The following RGS6 variants were observed in gnomAD, a reference collection of about 807,000 sequenced individuals.
RGS6 encodes the protein regulator of G-protein signaling 6.
A neutral mutation model predicts 78.5 loss-of-function variants in RGS6; 30 were observed. That is an observed-to-expected ratio of 0.38 (90% CI 0.29 to 0.52). The LOEUF (loss-of-function observed/expected upper bound fraction) is 0.52. RGS6 is among the 20% of genes least tolerant of loss of function. The pLI, the probability that RGS6 is intolerant of heterozygous loss-of-function variation, is 0.85. For missense variants in RGS6, 495 were observed against 609.7 expected, an observed-to-expected ratio of 0.81 and a Z score of 1.98; for synonymous variants, 206 against 206.0, an observed-to-expected ratio of 1.00 and a Z score of 0.00.
At chr14:72,172,028 G>A (rs1194320950) in intron 2 of RGS6, among the ~76,000 whole-genome samples, 1 of 152,078 alleles carries the variant, frequency 6.6e-6, no homozygotes, top group Non-Finnish European at 1.5e-5. Flanking sequence ...CTAAGGTGTG[G>A]CATTTTGTGA....
At chr14:72,091,595 C>G (rs1567185984) in intron 2 of RGS6, among the ~76,000 whole-genome samples, 2 of 152,258 alleles carry the variant, frequency 1.3e-5, no homozygotes, top group South Asian at 4.1e-4. Context: ...TGACCCTATC[C>G]ACTGTGGAAT....
Position 72,040,997 on chromosome 14 carries a change from T to C in RGS6, c.84+76122T>C, listed in dbSNP as rs528868021. Among the ~76,000 whole-genome samples the C allele has an allele frequency of 7.9e-4, 120 of 152,364 alleles. 1 individual carries two copies. The highest frequency in any genetic ancestry group is 2.7e-3 in the African/African-American group (114 of 41,588). ...ATGGTTTATTTTTTATTGCTGGTTG[T>C]CTGTACACCCAGTTAACTCTTTAAA... On this transcript the variant is annotated intron_variant, in intron 2 of 17. Coordinates refer to ENST00000553525, the MANE Select transcript of RGS6 (RefSeq NM_001204424.2).
intron 3 of RGS6, among the ~76,000 whole-genome samples, chr14:72,388,729 C>T (rs1336521467): frequency 1.3e-4 from 20 of 152,200 alleles, no homozygotes; most frequent in Admixed American, 1.3e-3. Flanking sequence ...GCCGCACTCT[C>T]TGGGTTTGAA....
At chr14:72,212,289 CATGAT>C (rs2044370550) in intron 2 of RGS6, among the ~76,000 whole-genome samples, 1 of 152,150 alleles carries the variant, frequency 6.6e-6, no homozygotes, top group African/African-American at 2.4e-5. Context: ...GCTAAATACT[CATGAT>C]ATGTTGTCTA....
intron 2 of RGS6, among the ~76,000 whole-genome samples, chr14:72,268,531 A>G (rs543249667): frequency 3.3e-5 from 5 of 152,310 alleles, no homozygotes; most frequent in African/African-American, 9.6e-5. Flanking sequence ...TTACAAATCA[A>G]TGTTAAAGAG....
chr14:72,017,803 G>A (rs999392547), intron 2 of RGS6, among the ~76,000 whole-genome samples: 45 of 151,938 alleles, frequency 3.0e-4, no homozygotes, highest in Non-Finnish European at 5.3e-4. Context: ...TTAAGTTCCA[G>A]GGTACATGTG....
chr14:72,264,917 C>T (rs1028940502), intron 2 of RGS6, among the ~76,000 whole-genome samples: 3 of 152,136 alleles, frequency 2.0e-5, no homozygotes, highest in African/African-American at 7.2e-5. Flanking sequence ...CTCTCGGTAC[C>T]ACGTTCTGGT....
chr14:72,316,284 T>C (rs908401379), intron 2 of RGS6, among the ~76,000 whole-genome samples: 1 of 152,196 alleles, frequency 6.6e-6, no homozygotes, highest in African/African-American at 2.4e-5. Flanking sequence ...ATGTGCACAA[T>C]GTGCAGGTTT....
chr14:72,508,593 T>C (rs970581455), intron 13 of RGS6, among the ~76,000 whole-genome samples: 7 of 120,702 alleles, frequency 5.8e-5, no homozygotes, highest in African/African-American at 1.4e-4. Context: ...TTTTTTTTTT[T>C]ACTAAGTGGA....
chr14:72,619,894 C>T, the RGS6 span: 10 of 1,528,308 alleles, frequency 6.5e-6, no homozygotes, highest in Non-Finnish European at 8.7e-6. Context: ...TTGACTTCAT[C>T]ATCATTACCT....
chr14:72,310,831 C>A (rs1426834389), intron 2 of RGS6, among the ~76,000 whole-genome samples: 1 of 152,154 alleles, frequency 6.6e-6, no homozygotes, highest in East Asian at 1.9e-4. Flanking sequence ...TTCCAGGGAC[C>A]CATGTGACTC....
At chr14:72,560,335 A>G (rs73302580) in intron 17 of RGS6, among the ~76,000 whole-genome samples, 4,566 of 152,312 alleles carry the variant, frequency 0.03, 247 homozygotes, top group African/African-American at 0.11. Flanking sequence ...GGATGGACAT[A>G]GGTAACCGGG....
At chr14:72,494,742 A>G (rs2096622071) in intron 12 of RGS6, among the ~76,000 whole-genome samples, 1 of 152,222 alleles carries the variant, frequency 6.6e-6, no homozygotes, top group South Asian at 2.1e-4. Context: ...GGGAATGCTG[A>G]GCTGGCAGTC....
At chr14:72,048,884 A>G (rs535920462) in intron 2 of RGS6, among the ~76,000 whole-genome samples, 1 of 152,198 alleles carries the variant, frequency 6.6e-6, no homozygotes, top group Non-Finnish European at 1.5e-5. Flanking sequence ...CCCATCACCC[A>G]GAGATGAGTT....
At position 72,219,518 on chromosome 14, in the gene RGS6, A is replaced by G. The variant is rs146929286; in HGVS notation, c.85-132577A>G. 7.9e-5 allele frequency among the ~76,000 whole-genome samples: 12 copies of G among 152,274 alleles called. No homozygotes were observed. The East Asian group carries it at 1.3e-3, about 17-fold the overall frequency. ...TTAATTTATTACACATTTAAATGCAATCTTTGATAACTTACCTGTTATTAT... is the reference window on the plus strand; with the variant it reads ...TTAATTTATTACACATTTAAATGCAGTCTTTGATAACTTACCTGTTATTAT... On this transcript the variant is annotated intron_variant, in intron 2 of 17. Transcript: ENST00000553525.
the RGS6 span, chr14:72,620,108 CA>C: frequency 1.8e-5 from 17 of 951,388 alleles, no homozygotes; most frequent in Middle Eastern, 1.1e-3. Context: ...TTCCAGGCCC[CA>C]CTTGGAGTCC....
At chr14:72,099,816 A>G (rs1213827533) in intron 2 of RGS6, among the ~76,000 whole-genome samples, 1 of 152,182 alleles carries the variant, frequency 6.6e-6, no homozygotes, top group Non-Finnish European at 1.5e-5. Context: ...GTTAGTAGTC[A>G]TGGTTACTTT....
intron 2 of RGS6, among the ~76,000 whole-genome samples, chr14:71,972,502 C>G (rs1039559071): frequency 2.6e-4 from 40 of 152,166 alleles, no homozygotes; most frequent in African/African-American, 8.9e-4. Context: ...GCGATTGAGA[C>G]TCTGCGTTTC....
chr14:72,275,784 C>A (rs866750766), intron 2 of RGS6, among the ~76,000 whole-genome samples: 3 of 152,184 alleles, frequency 2.0e-5, no homozygotes, highest in Non-Finnish European at 4.4e-5. Context: ...AATTCCTTGC[C>A]TATATGTAAG....
Sources: allele counts gnomAD v4.1 joint callset (sites outside exome capture counted in the v4.1 genomes callset), GRCh38; gene constraint gnomAD v4.1.1; transcripts MANE v1.5; gene names NCBI Gene and HGNC (gene_info 2026-07-23, HGNC 2026-07-21).